The following SCIN variants were observed in gnomAD, a reference collection of about 807,000 sequenced individuals.
SCIN encodes adseverin.
A neutral mutation model predicts 91.8 loss-of-function variants in SCIN; 91 were observed. The observed-to-expected ratio is 0.99, with a 90% CI of 0.84 to 1.18. The LOEUF is 1.18. Ranked by LOEUF, SCIN falls within the 50% of genes most tolerant of loss-of-function variation. The pLI is 0.00. For synonymous variants in SCIN, 367 were observed against 312.6 expected (o/e 1.17, Z -1.84); for missense variants, 1,087 against 863.9 (o/e 1.26, Z -3.24).
At chr7:12,630,116 A>T (rs1783611839) in intron 9 of SCIN, among the ~76,000 whole-genome samples, 2 of 151,894 alleles carry the variant, frequency 1.3e-5, no homozygotes, top group Admixed American at 6.6e-5. Context: ...TGATATGGTG[A>T]CATTTCTTTT....
At chr7:12,573,299 G>A (rs1031637068) in intron 1 of SCIN, among the ~76,000 whole-genome samples, 2 of 152,062 alleles carry the variant, frequency 1.3e-5, no homozygotes, top group African/African-American at 4.8e-5. Context: ...TCAGCCGGAA[G>A]AAAGAGAAAC....
chr7:12,598,342 C>G (rs702476), intron 3 of SCIN, among the ~76,000 whole-genome samples: 143,043 of 152,188 alleles, frequency 0.94, 67,284 homozygotes, highest in East Asian at 1. Flanking sequence ...AAGTTTCCTT[C>G]TGCCAGAGTG....
chr7:12,653,908 CATTCT>C lies in SCIN; in HGVS notation c.*1207_*1211del, dbSNP rs987058155. 1.3e-5 allele frequency: 2 copies of C among 152,120 alleles called. No individual in the cohort carries two copies. Among genetic ancestry groups the C allele is most frequent in the African/African-American group, 4.8e-5 (2 of 41,438 alleles). 9.4% of individuals were successfully genotyped at this position (152,120 alleles called of 1,614,324 possible). ...CAGTTACCCTGATTCTATTCCATTCCATTCTATTCTATTCTATTATTTCATTCTAT... is the reference window on the plus strand; with the variant it reads ...CAGTTACCCTGATTCTATTCCATTCCATTCTATTCTATTATTTCATTCTAT... On this transcript the variant is annotated 3_prime_UTR_variant, in exon 16 of 16. Transcript: ENST00000297029. This position sits in a 1 kb window ranked among gnomAD's most constrained non-coding sequence, Gnocchi z 4.1.
rs1053715678 is a variant in SCIN, at chr7:12,644,930, A to G, written c.1881+225A>G. On this transcript the variant is annotated intron_variant, in intron 13 of 15. Coordinates refer to ENST00000297029, the MANE Select transcript of SCIN (RefSeq NM_001112706.3). ...TCGGGAGGCTTGAGGCAGGAGAATCACTTGAACCCAGGAGGCGGAGGTTGC... is the reference window on the plus strand; with the variant it reads ...TCGGGAGGCTTGAGGCAGGAGAATCGCTTGAACCCAGGAGGCGGAGGTTGC... Among the ~76,000 whole-genome samples, 7 of 148,464 alleles carry G rather than the reference A, an allele frequency of 4.7e-5. No homozygotes were observed. In the Admixed American group the frequency reaches 4.8e-4, roughly 10 times the overall value.
At chr7:12,598,145 A>G (rs1451470960) in intron 3 of SCIN, among the ~76,000 whole-genome samples, 1 of 152,238 alleles carries the variant, frequency 6.6e-6, no homozygotes, top group Non-Finnish European at 1.5e-5. Context: ...TTAAAGCATT[A>G]TACATAAAAT....
chr7:12,591,840 CTAAG>C (rs1782729996), intron 3 of SCIN, among the ~76,000 whole-genome samples: 1 of 152,068 alleles, frequency 6.6e-6, no homozygotes, highest in Non-Finnish European at 1.5e-5. Flanking sequence ...AGTTGAATTC[CTAAG>C]TAAGTCATCA....
At chr7:12,646,527 A>G (rs1376849050) in intron 13 of SCIN, among the ~76,000 whole-genome samples, 1 of 152,214 alleles carries the variant, frequency 6.6e-6, no homozygotes, top group Non-Finnish European at 1.5e-5. Context: ...CTGGAGGCAA[A>G]CAAACATCCA....
chr7:12,592,994 G>C (rs1782758572), intron 3 of SCIN, among the ~76,000 whole-genome samples: 1 of 152,254 alleles, frequency 6.6e-6, no homozygotes, highest in Non-Finnish European at 1.5e-5. Context: ...AGCTATGGGA[G>C]TGCAAGTGAT....
chr7:12,595,207 C>T (rs116333353), intron 3 of SCIN, among the ~76,000 whole-genome samples: 1,770 of 152,224 alleles, frequency 0.012, 21 homozygotes, highest in African/African-American at 0.03. Context: ...GAGGAGGCAG[C>T]GCTGAGCTTA....
rs985246374 is a variant in SCIN, at chr7:12,656,434, CTAATT to C, written c.*3722_*3726del. The C allele has an allele frequency of 1.3e-5, 2 of 151,926 alleles. No individual in the cohort carries two copies. The highest frequency in any genetic ancestry group is 4.8e-5 in the African/African-American group (2 of 41,346). The allele number at this position is 151,926 out of a possible 1,614,324, so 9.4% of individuals were successfully genotyped here. The stretch of plus-strand genomic sequence containing the variant: ...ATTTTAAACCTAATTTATTTTAAAC[CTAATT>C]TATTTATTTTAAACATTTATTTTAA... On this transcript the variant is annotated 3_prime_UTR_variant, in exon 16 of 16. Transcript: ENST00000297029.
At chr7:12,578,648 A>G (rs1329201911) in intron 2 of SCIN, among the ~76,000 whole-genome samples, 8 of 152,180 alleles carry the variant, frequency 5.3e-5, no homozygotes, top group Non-Finnish European at 1.5e-5. Flanking sequence ...GGAATATATT[A>G]ATACAGTATT....
chr7:12,599,512 T>G (rs1782913708), intron 3 of SCIN, among the ~76,000 whole-genome samples: 1 of 152,084 alleles, frequency 6.6e-6, no homozygotes, highest in African/African-American at 2.4e-5. Context: ...ATATAATGAC[T>G]TCGTTTCTTC....
At chr7:12,617,009 A>C (rs1030627741) in intron 4 of SCIN, among the ~76,000 whole-genome samples, 27 of 152,192 alleles carry the variant, frequency 1.8e-4, no homozygotes, top group African/African-American at 6.5e-4. Context: ...TTACCAAGAC[A>C]TATAGACTGC....
intron 14 of SCIN, among the ~76,000 whole-genome samples, chr7:12,650,989 C>A (rs6960985): frequency 0.024 from 3,630 of 152,216 alleles, 150 homozygotes; most frequent in African/African-American, 0.083. Flanking sequence ...ATTTCCCCTT[C>A]ACTGTCCACA....
chr7:12,618,629 C>G (rs564757578), intron 4 of SCIN, among the ~76,000 whole-genome samples: 1 of 152,178 alleles, frequency 6.6e-6, no homozygotes, highest in East Asian at 1.9e-4. Context: ...TTTTATATCT[C>G]TGTGGATCTT....
At chr7:12,593,157 C>T (rs1350835683) in intron 3 of SCIN, among the ~76,000 whole-genome samples, 1 of 152,246 alleles carries the variant, frequency 6.6e-6, no homozygotes, top group African/African-American at 2.4e-5. Flanking sequence ...TGGCCCCGTC[C>T]AGTGGCCTTC....
chr7:12,654,071 T>C lies in SCIN; in HGVS notation c.*1356T>C, dbSNP rs539271481. 1.3e-5 allele frequency: 2 copies of C among 152,246 alleles called. No homozygotes were observed. Among genetic ancestry groups the C allele is most frequent in the South Asian group, 2.1e-4 (1 of 4,820 alleles). 9.4% of individuals were successfully genotyped at this position (152,246 alleles called of 1,614,324 possible). A position where few individuals can be genotyped will look rare whatever the true frequency, so the allele number is the denominator to read the frequency against. ...AACCCATGGAAAGAACTTTGCCTCA[T>C]GTAGAGATTCTAGATTCTTAGCCAA... On this transcript the variant is annotated 3_prime_UTR_variant, in exon 16 of 16. Coordinates refer to ENST00000297029, the MANE Select transcript of SCIN (RefSeq NM_001112706.3).
At chr7:12,595,045 G>C (rs1274197929) in intron 3 of SCIN, among the ~76,000 whole-genome samples, 1 of 152,088 alleles carries the variant, frequency 6.6e-6, no homozygotes, top group African/African-American at 2.4e-5. Flanking sequence ...AGGAGAGAGA[G>C]AGAGAGAATC....
intron 14 of SCIN, among the ~76,000 whole-genome samples, chr7:12,650,947 G>A (rs931042564): frequency 4.6e-5 from 7 of 152,122 alleles, no homozygotes; most frequent in African/African-American, 1.7e-4. Flanking sequence ...TCTAGGAAAT[G>A]GGGATAATGA....
Sources: gnomAD v4.1 joint callset for allele counts (sites outside exome capture counted in the v4.1 genomes callset) on GRCh38, gnomAD v4.1.1 for gene constraint, Gnocchi (gnomAD v3.1) non-coding constraint, MANE v1.5 for transcripts, NCBI Gene and HGNC (gene_info 2026-07-23, HGNC 2026-07-21) for gene names.